Variants in CERS3 observed in about 807,000 individuals in gnomAD.
CERS3 encodes the protein ceramide synthase 3.
CERS3 carries 33 observed loss-of-function variants against 50.3 expected under a neutral mutation model. The ratio of observed to expected loss-of-function variants is 0.66; its 90% confidence interval spans 0.50 to 0.88. The LOEUF (loss-of-function observed/expected upper bound fraction) is 0.88. Ranked by LOEUF, CERS3 falls within the 40% of genes least tolerant of loss-of-function variation. The pLI is 0.00. For missense variants in CERS3, 470 were observed against 460.3 expected (o/e 1.02, Z -0.19); for synonymous variants, 176 against 155.2 (o/e 1.13, Z -0.99).
chr15:100,402,820 C>A lies in CERS3; in HGVS notation c.1045G>T (p.Glu349Ter). ...GTAGCCTCTTCTTCTTCCTCTTCCT[C>A]TTCCTCTTCATAATCCTCGTCATCA... Reference protein sequence around the residue: ...RSDDEDYEEEEEEEEEEATKG... With the variant: ...RSDDEDYEEE The change falls in exon 12 of 12, where the codon GAG becomes TAG. Residue 349 changes from glutamate to a stop codon, truncating the protein, a stop_gained. Coordinates refer to ENST00000679737, the MANE Select transcript of CERS3 (RefSeq NM_001378789.1). LOFTEE classifies it high-confidence loss of function. 6.2e-7 allele frequency: 1 copy of A among 1,613,644 alleles called. No individual in the cohort carries two copies. The highest frequency in any genetic ancestry group is 8.5e-7 in the Non-Finnish European group (1 of 1,179,766).
At chr15:100,490,095 T>C (rs1567657346) in intron 4 of CERS3, among the ~76,000 whole-genome samples, 1 of 152,206 alleles carries the variant, frequency 6.6e-6, no homozygotes, top group Non-Finnish European at 1.5e-5. Context: ...TTGTATCACT[T>C]TTGGAGAAGT....
chr15:100,486,978 T>G (rs2035504272), intron 4 of CERS3, among the ~76,000 whole-genome samples: 1 of 151,654 alleles, frequency 6.6e-6, no homozygotes, highest in Non-Finnish European at 1.5e-5. Context: ...GAGTCGAAGC[T>G]TTTTTTTTCT....
intron 11 of CERS3, among the ~76,000 whole-genome samples, chr15:100,451,392 T>C (rs1232708231): frequency 1.3e-5 from 2 of 151,938 alleles, no homozygotes; most frequent in African/African-American, 2.4e-5. Flanking sequence ...ACAAGAAGTT[T>C]ATTTCACCTG....
In CERS3 at chr15:100,421,738, A is replaced by G. The variant is rs1367596996; in HGVS notation, c.1000-18873T>C. On this transcript the variant is annotated intron_variant, in intron 11 of 11. Coordinates refer to ENST00000679737, the MANE Select transcript of CERS3 (RefSeq NM_001378789.1). ...ATGGTACTGGTACCAAAACAGAGAT[A>G]TAGATCAATGTAACAGAACAGAGCC... Among the ~76,000 whole-genome samples, 10 of 145,590 alleles carry G rather than the reference A, an allele frequency of 6.9e-5. No individual in the cohort carries two copies. The Admixed American group carries it at 7.1e-4, about 10-fold the overall frequency.
chr15:100,420,167 A>G (rs2142086341), intron 11 of CERS3, among the ~76,000 whole-genome samples: 1 of 148,248 alleles, frequency 6.7e-6, no homozygotes, highest in South Asian at 2.3e-4. Flanking sequence ...GGATCAACAA[A>G]ATTGATAGAC....
At chr15:100,436,894 G>A (rs1306806783) in intron 11 of CERS3, among the ~76,000 whole-genome samples, 1 of 151,390 alleles carries the variant, frequency 6.6e-6, no homozygotes, top group African/African-American at 2.4e-5. Flanking sequence ...ACATCTAAAT[G>A]TGGTAATCAT....
At chr15:100,414,819 T>TAAAAAAAAAA (rs143114640) in intron 11 of CERS3, among the ~76,000 whole-genome samples, 1 of 141,206 alleles carries the variant, frequency 7.1e-6, no homozygotes, top group Non-Finnish European at 1.5e-5. Context: ...CCAAAATGAT[T>TAAAAAAAAAA]AAAAAAAAAA....
chr15:100,415,971 T>A (rs888452886), intron 11 of CERS3, among the ~76,000 whole-genome samples: 8 of 150,140 alleles, frequency 5.3e-5, no homozygotes, highest in Admixed American at 4.0e-4. Context: ...AAAACACCAC[T>A]GGAAAAAAAT....
At chr15:100,431,741 A>C (rs2033146143) in intron 11 of CERS3, among the ~76,000 whole-genome samples, 1 of 152,164 alleles carries the variant, frequency 6.6e-6, no homozygotes, top group Non-Finnish European at 1.5e-5. Flanking sequence ...ACTGTCAAAA[A>C]TTCCAGTGTC....
chr15:100,402,385 G>C lies in CERS3; in HGVS notation c.*328C>G, dbSNP rs769084305. The C allele has an allele frequency of 1.0e-4, 23 of 228,178 alleles. No homozygotes were observed. The highest frequency in any genetic ancestry group is 1.5e-4 in the Non-Finnish European group (18 of 117,484). The allele number at this position is 228,178 out of a possible 1,614,324, so 14.1% of individuals were successfully genotyped here. ...AAAGCGTCCTGAGGACAGGCAAGGT[G>C]GCGAGGCGAAAGGGTCTATAACAAA... On this transcript the variant is annotated 3_prime_UTR_variant, in exon 12 of 12. Coordinates refer to ENST00000679737, the MANE Select transcript of CERS3 (RefSeq NM_001378789.1).
intron 11 of CERS3, among the ~76,000 whole-genome samples, chr15:100,435,370 G>C (rs2654603): frequency 0.4 from 61,539 of 152,030 alleles, 12,795 homozygotes; most frequent in East Asian, 0.54. Flanking sequence ...AGGAAACAGG[G>C]AGTACCAAAG....
chr15:100,517,402 G>A (rs935637236), intron 2 of CERS3, among the ~76,000 whole-genome samples: 1 of 152,202 alleles, frequency 6.6e-6, no homozygotes, highest in Non-Finnish European at 1.5e-5. Context: ...CTCTGACCAA[G>A]TGTTGGTGGG....
At chr15:100,474,288 A>C (rs2035057324) in intron 8 of CERS3, among the ~76,000 whole-genome samples, 1 of 152,254 alleles carries the variant, frequency 6.6e-6, no homozygotes, top group South Asian at 2.1e-4. Context: ...TTATATGTGG[A>C]TATCTCAATA....
chr15:100,539,758 T>A (rs2037155633), intron 1 of CERS3, among the ~76,000 whole-genome samples: 1 of 152,200 alleles, frequency 6.6e-6, no homozygotes, highest in Admixed American at 6.5e-5. Context: ...TGGTCACTCT[T>A]TGATCATTTC....
chr15:100,483,942 A>G (rs192469397), intron 5 of CERS3, among the ~76,000 whole-genome samples: 2,179 of 150,916 alleles, frequency 0.014, 53 homozygotes, highest in African/African-American at 0.05. Flanking sequence ...CACCACGCCC[A>G]GCTAATTTTT....
chr15:100,471,596 G>C (rs534322925), intron 9 of CERS3, among the ~76,000 whole-genome samples: 1 of 152,102 alleles, frequency 6.6e-6, no homozygotes, highest in Admixed American at 6.6e-5. Flanking sequence ...CTTCTGTCAG[G>C]ATTACTGAGA....
intron 2 of CERS3, 135 bp from the exon 3 acceptor site, chr15:100,501,985 A>G (rs2036017988): frequency 1.2e-6 from 1 of 810,558 alleles, no homozygotes; most frequent in Non-Finnish European, 1.9e-6. Flanking sequence ...AGTGGCTCAC[A>G]CCTGCAATAT....
intron 10 of CERS3, among the ~76,000 whole-genome samples, chr15:100,459,069 G>A (rs1206634566): frequency 6.6e-6 from 1 of 152,238 alleles, no homozygotes; most frequent in Non-Finnish European, 1.5e-5. Flanking sequence ...ATACATTAGT[G>A]TGTGTGTCTG....
rs1312012870 is a variant in CERS3, at chr15:100,415,801, G to C, written c.1000-12936C>G. Among the ~76,000 whole-genome samples, 4 of 98,596 alleles carry C rather than the reference G, an allele frequency of 4.1e-5. No individual in the cohort carries two copies. The South Asian group carries it at 1.3e-3, about 31-fold the overall frequency. 64.7% of individuals were successfully genotyped at this position (98,596 alleles called of 152,430 possible). A position where few individuals can be genotyped will look rare whatever the true frequency, so the allele number is the denominator to read the frequency against. On this transcript the variant is annotated intron_variant, in intron 11 of 11. Transcript: ENST00000679737. ...ACCAGGGCCTGTCGGGGGGCAGGGA[G>C]TGAGGGAGGGGAGGGAGCATTCGGA...
Sources: allele counts gnomAD v4.1 joint callset (sites outside exome capture counted in the v4.1 genomes callset), GRCh38; gene constraint gnomAD v4.1.1; transcripts MANE v1.5; gene names NCBI Gene and HGNC (gene_info 2026-07-23, HGNC 2026-07-21).